Variants in NFAT5 observed in about 807,000 individuals in gnomAD.
NFAT5 encodes the protein nuclear factor of activated T-cells 5.
Under a neutral mutation model 166.5 loss-of-function variants are expected in NFAT5, and 31 were observed. The ratio of observed to expected loss-of-function variants is 0.19; its 90% CI spans 0.14 to 0.25. NFAT5 has a LOEUF of 0.25. NFAT5 is among the 10% of genes least tolerant of loss of function. NFAT5 has a pLI of 1.00. For synonymous variants in NFAT5, 612 were observed against 639.7 expected (o/e 0.96, Z 0.65); for missense variants, 1,449 against 1,821.8 (o/e 0.80, Z 3.72).
intron 4 of NFAT5, chr16:69,649,535 C>T: frequency 1.0e-6 from 1 of 983,862 alleles, no homozygotes; most frequent in Non-Finnish European, 1.2e-6. Flanking sequence ...AGCAGAAATT[C>T]CATCAAGCAG....
chr16:69,595,742 A>C (rs1394669028), intron 2 of NFAT5, among the ~76,000 whole-genome samples: 5 of 152,166 alleles, frequency 3.3e-5, no homozygotes, highest in Non-Finnish European at 7.3e-5. Context: ...GCACATTAAA[A>C]CTTCACTTTG....
At chr16:69,652,324 C>T (rs1232971905) in intron 4 of NFAT5, among the ~76,000 whole-genome samples, 1 of 151,848 alleles carries the variant, frequency 6.6e-6, no homozygotes, top group Non-Finnish European at 1.5e-5. Context: ...TGGTGGCACA[C>T]GCCTGTAATC....
chr16:69,669,051 C>T (rs534669464), intron 7 of NFAT5, among the ~76,000 whole-genome samples: 34 of 152,264 alleles, frequency 2.2e-4, no homozygotes, highest in South Asian at 6.2e-4. Context: ...CATACTACCA[C>T]GCCCAGCTAA....
At chr16:69,632,005 A>G (rs2034739841) in intron 3 of NFAT5, 1 of 152,188 alleles carries the variant, frequency 6.6e-6, no homozygotes, top group African/African-American at 2.4e-5. Context: ...ATAAATCTCA[A>G]GTATGTAACA....
rs921826463 is a variant in NFAT5 at position 69,702,113 on chromosome 16, C to T, written c.*5762C>T. 2.6e-5 allele frequency: 4 copies of T among 152,632 alleles called. No individual in the cohort carries two copies. Among genetic ancestry groups the T allele is most frequent in the Non-Finnish European group, 5.9e-5 (4 of 68,038 alleles). The allele number at this position is 152,632 out of a possible 1,614,324, so 9.5% of individuals were successfully genotyped here. On this transcript the variant is annotated 3_prime_UTR_variant, in exon 15 of 15. Transcript: ENST00000349945. ...AGTATTTCTGTGACTGTTAGTGGCA[C>T]TGAGGACTGCAAACTTTTATGCAAT...
chr16:69,623,234 C>T (rs2034284170), intron 2 of NFAT5, among the ~76,000 whole-genome samples: 1 of 151,990 alleles, frequency 6.6e-6, no homozygotes, highest in Non-Finnish European at 1.5e-5. Flanking sequence ...AATTGTATTA[C>T]AATGAATATT....
chr16:69,661,824 ATTATAGT>A, intron 7 of NFAT5, among the ~76,000 whole-genome samples: 1 of 152,202 alleles, frequency 6.6e-6, no homozygotes, highest in East Asian at 1.9e-4. Context: ...GAAATTAAAG[ATTATAGT>A]TTAAGGAGCT....
intron 2 of NFAT5, among the ~76,000 whole-genome samples, chr16:69,614,965 C>T (rs1330100375): frequency 6.6e-6 from 1 of 151,328 alleles, no homozygotes. Flanking sequence ...CAGCCTCCTC[C>T]TCCTGGGTTC....
At chr16:69,660,797 C>T (rs1310334411) in intron 7 of NFAT5, among the ~76,000 whole-genome samples, 2 of 110,958 alleles carry the variant, frequency 1.8e-5, no homozygotes, top group East Asian at 9.6e-4. Context: ...TTCCTTTTCA[C>T]GTCTCTCTCT....
At chr16:69,604,107 A>C (rs900931523) in intron 2 of NFAT5, among the ~76,000 whole-genome samples, 5 of 152,184 alleles carry the variant, frequency 3.3e-5, no homozygotes, top group Non-Finnish European at 2.9e-5. Context: ...TATTTTACAG[A>C]GAGGAAAACA....
In NFAT5 at chr16:69,566,048, CCCCTT is replaced by C. The variant is rs199570325; in HGVS notation, c.-250_-246del. On this transcript the variant is annotated 5_prime_UTR_variant, in exon 1 of 15. Transcript: ENST00000349945. This position sits in a 1 kb window ranked among gnomAD's most constrained non-coding sequence, Gnocchi z 5.7. ...ACACGAAACGGACCCTTTGGCTCTCCCCCTTCCCCTTCCCCGTCCTGAACCCCTCT... is the reference window on the plus strand; with the variant it reads ...ACACGAAACGGACCCTTTGGCTCTCCCCCCTTCCCCGTCCTGAACCCCTCT... 2.0e-6 allele frequency: 1 copy of C among 511,778 alleles called. No individual in the cohort carries two copies. The allele number at this position is 511,778 out of a possible 1,614,324, so 31.7% of individuals were successfully genotyped here.
intron 6 of NFAT5, among the ~76,000 whole-genome samples, chr16:69,656,068 G>A (rs1403020102): frequency 6.6e-6 from 1 of 152,056 alleles, no homozygotes; most frequent in African/African-American, 2.4e-5. Flanking sequence ...ATCACCTGAG[G>A]TCAGGAGTTA....
chr16:69,694,964 G>A (rs2037709672), intron 13 of NFAT5, among the ~76,000 whole-genome samples, 172 bp from the exon 14 acceptor site: 2 of 152,262 alleles, frequency 1.3e-5, no homozygotes, highest in South Asian at 4.1e-4. Flanking sequence ...CTTTTTCTTG[G>A]ACTATCAGGT....
intron 5 of NFAT5, among the ~76,000 whole-genome samples, chr16:69,654,367 A>G (rs1184233933): frequency 3.3e-5 from 5 of 152,210 alleles, no homozygotes; most frequent in Non-Finnish European, 7.3e-5. Flanking sequence ...CTCTGGATCA[A>G]TCAGGAAACG....
Position 69,670,002 on chromosome 16 carries a change from C to G in NFAT5, c.1395C>G (p.Ile465Met), listed in dbSNP as rs2036559932. The G allele has an allele frequency of 2.5e-6, 4 of 1,605,988 alleles. No individual in the cohort carries two copies. The highest frequency in any genetic ancestry group is 2.5e-6 in the Non-Finnish European group (3 of 1,177,834). The change falls in exon 8 of 15, where the codon ATC becomes ATG. Residue 465 changes from isoleucine to methionine, a missense_variant. This residue lies in a region of NFAT5 where 245 missense variants were observed against 366.6 expected (regional missense o/e 0.67). Transcript: ENST00000349945. ...LCTQPAGVPE[I>M]LKKSLHSCSV... Reference sequence around the variant, plus strand: ...CTCAGCCAGCAGGAGTGCCAGAAATCTTAAAGAAAAGCTTGCATAGCTGTT... The same window carrying G: ...CTCAGCCAGCAGGAGTGCCAGAAATGTTAAAGAAAAGCTTGCATAGCTGTT...
intron 11 of NFAT5, among the ~76,000 whole-genome samples, chr16:69,688,704 C>T (rs2037429053): frequency 1.3e-5 from 2 of 152,174 alleles, no homozygotes; most frequent in South Asian, 4.1e-4. Context: ...AAACAATCCA[C>T]AACAAACTAA....
intron 2 of NFAT5, among the ~76,000 whole-genome samples, chr16:69,594,623 A>G (rs1038880559): frequency 2.0e-5 from 3 of 152,190 alleles, no homozygotes; most frequent in Non-Finnish European, 2.9e-5. Context: ...TGACTGAAAC[A>G]TATGTGGCAC....
At chr16:69,659,498 TA>T (rs1215461013) in intron 6 of NFAT5, among the ~76,000 whole-genome samples, 5 of 152,210 alleles carry the variant, frequency 3.3e-5, no homozygotes, top group South Asian at 2.1e-4. Flanking sequence ...ATAGTGATTT[TA>T]TTTTTTTTAC....
intron 8 of NFAT5, 57 bp from the exon 9 acceptor site, chr16:69,670,179 C>G: frequency 6.4e-7 from 1 of 1,573,610 alleles, no homozygotes; most frequent in Non-Finnish European, 8.6e-7. Context: ...ATAGTCATAG[C>G]TACAGAGTAA....
Sources: allele counts gnomAD v4.1 joint callset (sites outside exome capture counted in the v4.1 genomes callset), GRCh38; gene constraint gnomAD v4.1.1; regional missense constraint gnomAD v4.1.1; non-coding constraint Gnocchi (gnomAD v3.1); transcripts MANE v1.5; gene names NCBI Gene and HGNC (gene_info 2026-07-23, HGNC 2026-07-21).